Variants in MTCL1 observed in about 807,000 individuals in gnomAD.
MTCL1 encodes the protein microtubule crosslinking factor 1.
In MTCL1, 79 loss-of-function variants were observed where a neutral mutation model predicts 141.4. The ratio of observed to expected loss-of-function variants is 0.56; its 90% CI spans 0.47 to 0.67. MTCL1 has a LOEUF of 0.67. Ranked by LOEUF, MTCL1 falls within the 30% of genes least tolerant of loss-of-function variation. MTCL1 has a pLI of 0.00. For missense variants in MTCL1, 2,177 were observed against 2,113.9 expected (o/e 1.03, Z -0.59); for synonymous variants, 914 against 875.8 (o/e 1.04, Z -0.77).
At chr18:8,733,042 T>G (rs1300281316) in intron 4 of MTCL1, among the ~76,000 whole-genome samples, 1 of 152,216 alleles carries the variant, frequency 6.6e-6, no homozygotes, top group African/African-American at 2.4e-5. Flanking sequence ...GTGTACTGTT[T>G]AGCACTCAAC....
chr18:8,728,730 T>TTC (rs2096232601), intron 4 of MTCL1, among the ~76,000 whole-genome samples: 1 of 102,842 alleles, frequency 9.7e-6, no homozygotes, highest in Non-Finnish European at 1.9e-5. Flanking sequence ...CTTTTTTTTT[T>TTC]TTTTTTTTTT....
chr18:8,782,660 G>C (rs758212890), intron 5 of MTCL1: 8 of 152,160 alleles, frequency 5.3e-5, no homozygotes, highest in Non-Finnish European at 7.3e-5. Context: ...TTACCTCCTT[G>C]CCTTGGGTCT....
chr18:8,742,061 A>G (rs2096306711), intron 4 of MTCL1, among the ~76,000 whole-genome samples: 1 of 151,050 alleles, frequency 6.6e-6, no homozygotes, highest in Admixed American at 6.6e-5. Context: ...GCACTGTGCT[A>G]TGGAGCCAAG....
At chr18:8,706,454 A>G in exon 1 of MTCL1, 2 of 1,235,630 alleles carry the variant, frequency 1.6e-6, no homozygotes, top group Non-Finnish European at 2.0e-6. Flanking sequence ...GGCAGCCCCG[A>G]GCCCCCAGCG....
At chr18:8,766,300 C>G (rs2096459463) in intron 4 of MTCL1, among the ~76,000 whole-genome samples, 1 of 146,398 alleles carries the variant, frequency 6.8e-6, no homozygotes, top group Non-Finnish European at 1.5e-5. Flanking sequence ...GTTGTGTGAG[C>G]TGATCCACCG....
intron 4 of MTCL1, among the ~76,000 whole-genome samples, chr18:8,760,647 T>G (rs1273974364): frequency 6.6e-6 from 1 of 152,214 alleles, no homozygotes. Context: ...ATTTCCAACT[T>G]TCTTTACTCC....
chr18:8,828,436 C>T lies in MTCL1; in HGVS notation c.4723-472C>T, dbSNP rs949787563. On this transcript the variant is annotated intron_variant, in intron 15 of 16. Coordinates refer to ENST00000359865, the Ensembl canonical transcript of MTCL1. This position sits in a 1 kb window ranked among gnomAD's most constrained non-coding sequence, Gnocchi z 5.2. ...GAAAATGGAATGCTCTTCCTCCCTC[C>T]CCTAAGTGGAAAATGTGAGGGGAAC... is the stretch of plus-strand genomic sequence containing the variant. 2.0e-5 allele frequency among the ~76,000 whole-genome samples: 3 copies of T among 152,198 alleles called. No homozygotes were observed. Among genetic ancestry groups the T allele is most frequent in the Admixed American group, 2.0e-4 (3 of 15,270 alleles).
At chr18:8,799,920 A>G (rs531333814) in intron 10 of MTCL1, among the ~76,000 whole-genome samples, 42 of 152,292 alleles carry the variant, frequency 2.8e-4, no homozygotes, top group Non-Finnish European at 5.3e-4. Context: ...GTTTTTAGCG[A>G]TTACCCACGA....
intron 13 of MTCL1, among the ~76,000 whole-genome samples, chr18:8,820,707 G>C (rs765241250): frequency 6.6e-6 from 1 of 152,180 alleles, no homozygotes; most frequent in Non-Finnish European, 1.5e-5. Context: ...GCCTGTGCGT[G>C]GGTTCCAGCC....
At chr18:8,831,566 G>A in intron 16 of MTCL1, 41 bp from the exon 15 acceptor site, 1 of 1,541,602 alleles carries the variant, frequency 6.5e-7, no homozygotes, top group South Asian at 1.2e-5. Context: ...TGGTGACACT[G>A]CCGGTCTGAG....
At chr18:8,729,673 AATATATATAT>A (rs3051533) in intron 4 of MTCL1, among the ~76,000 whole-genome samples, 128 of 131,408 alleles carry the variant, frequency 9.7e-4, no homozygotes, top group Middle Eastern at 3.9e-3. Flanking sequence ...CAAGAAGACA[AATATATATAT>A]ATATATATAT....
At chr18:8,808,542 C>A (rs770620491) in intron 11 of MTCL1, among the ~76,000 whole-genome samples, 3 of 152,220 alleles carry the variant, frequency 2.0e-5, no homozygotes, top group Non-Finnish European at 2.9e-5. Context: ...AGTTTATCTT[C>A]TGCCCAAATC....
intron 4 of MTCL1, among the ~76,000 whole-genome samples, chr18:8,731,707 CAA>C (rs34114623): frequency 6.6e-6 from 1 of 151,298 alleles, no homozygotes; most frequent in Admixed American, 6.6e-5. Context: ...CTGCTCTTCT[CAA>C]AAAAAAAATT....
intron 4 of MTCL1, among the ~76,000 whole-genome samples, chr18:8,729,824 C>A (rs2096241474): frequency 6.6e-6 from 1 of 151,710 alleles, no homozygotes; most frequent in Admixed American, 6.6e-5. Flanking sequence ...TTATGAAGCC[C>A]AATTTAAGAA....
chr18:8,817,669 A>G lies in MTCL1; in HGVS notation c.2860-1294A>G, dbSNP rs570958356. On this transcript the variant is annotated intron_variant, in intron 12 of 16. Coordinates refer to ENST00000359865, the Ensembl canonical transcript of MTCL1. ...AAAAAAATGAATTGATCTGCATTCAAGGAGGTTTTAGAATTTCCTGGAACG... is the reference window on the plus strand; with the variant it reads ...AAAAAAATGAATTGATCTGCATTCAGGGAGGTTTTAGAATTTCCTGGAACG... Among the ~76,000 whole-genome samples, 490 of 152,330 alleles carry G rather than the reference A, an allele frequency of 3.2e-3. 2 individuals are homozygous for G. Among genetic ancestry groups the G allele is most frequent in the Non-Finnish European group, 3.9e-3 (266 of 68,024 alleles).
intron 9 of MTCL1, among the ~76,000 whole-genome samples, chr18:8,797,382 G>T (rs909581001): frequency 6.6e-6 from 1 of 152,216 alleles, no homozygotes; most frequent in Non-Finnish European, 1.5e-5. Flanking sequence ...AATAGAAACA[G>T]AAGCGAGATC....
chr18:8,714,165 A>T (rs1047240262), upstream of MTCL1, among the ~76,000 whole-genome samples: 1 of 152,074 alleles, frequency 6.6e-6, no homozygotes, highest in Non-Finnish European at 1.5e-5. Flanking sequence ...TATGGTATTT[A>T]CTCGAAAGAG....
upstream of MTCL1, among the ~76,000 whole-genome samples, chr18:8,715,506 A>C (rs534150422): frequency 6.6e-6 from 1 of 152,362 alleles, no homozygotes; most frequent in African/African-American, 2.4e-5. Flanking sequence ...GTACATATAC[A>C]TATACAGATA....
At chr18:8,796,254 C>T (rs1366895453) in exon 9 of MTCL1, 1 of 1,614,098 alleles carries the variant, frequency 6.2e-7, no homozygotes, top group Admixed American at 1.7e-5. Flanking sequence ...CACCTCTATG[C>T]CTTGAGGTGG....
Sources: allele counts gnomAD v4.1 joint callset (sites outside exome capture counted in the v4.1 genomes callset), GRCh38; gene constraint gnomAD v4.1.1; non-coding constraint Gnocchi (gnomAD v3.1); transcripts MANE v1.5; gene names NCBI Gene and HGNC (gene_info 2026-07-23, HGNC 2026-07-21).